The following GADL1 variants were observed in gnomAD, a reference collection of about 807,000 sequenced individuals.
GADL1 encodes acidic amino acid decarboxylase GADL1.
A neutral mutation model predicts 69.5 loss-of-function variants in GADL1; 71 were observed. That is an observed-to-expected ratio of 1.02 (90% confidence interval 0.84 to 1.25). The LOEUF (loss-of-function observed/expected upper bound fraction) is 1.25. GADL1 is among the 50% of genes most tolerant of loss of function. The pLI is 0.00. For missense variants in GADL1, 737 were observed against 631.8 expected (o/e 1.17, Z -1.79); for synonymous variants, 254 against 214.4 (o/e 1.18, Z -1.62).
At chr3:30,772,149 CAAACAATAAAACAAACCCGTCAAGTAG>C (rs1340066898) in intron 14 of GADL1, among the ~76,000 whole-genome samples, 1 of 140,598 alleles carries the variant, frequency 7.1e-6, no homozygotes. Flanking sequence ...GTTTTATCAC[CAAACAATAAAACAAACCCGTCAAGTAG>C]ATTTTAAGAT....
intron 2 of GADL1, among the ~76,000 whole-genome samples, chr3:30,859,423 T>C (rs1011060661): frequency 2.0e-5 from 3 of 151,848 alleles, no homozygotes; most frequent in East Asian, 1.9e-4. Context: ...ACTCAAAGCC[T>C]ACTAAAATAC....
chr3:30,784,261 C>G (rs1416717063), intron 13 of GADL1, among the ~76,000 whole-genome samples: 1 of 152,152 alleles, frequency 6.6e-6, no homozygotes, highest in Non-Finnish European at 1.5e-5. Context: ...TTACAGTTGG[C>G]TTGTTCAAAC....
intron 6 of GADL1, 57 bp downstream of exon 6, chr3:30,849,939 C>A (rs1698121122): frequency 1.0e-6 from 1 of 989,142 alleles, no homozygotes; most frequent in East Asian, 2.4e-5. Context: ...TCAAACAAAG[C>A]CCTCTTAAAT....
chr3:30,841,134 AAAC>A, intron 8 of GADL1, among the ~76,000 whole-genome samples: 1 of 152,212 alleles, frequency 6.6e-6, no homozygotes. Context: ...GCTTGAAACA[AAAC>A]AACTAGGCCT....
chr3:30,850,576 C>G (rs913255708), intron 5 of GADL1, among the ~76,000 whole-genome samples: 1 of 152,122 alleles, frequency 6.6e-6, no homozygotes, highest in African/African-American at 2.4e-5. Context: ...TTCCAAACTT[C>G]CAGCATCAAA....
At chr3:30,797,604 AG>A (rs1416023938) in intron 12 of GADL1, 8 of 152,020 alleles carry the variant, frequency 5.3e-5, no homozygotes, top group African/African-American at 1.9e-4. Flanking sequence ...TCTTGAATCC[AG>A]GTTGTCTGTA....
rs748060157 is a variant in GADL1 at position 30,728,286 on chromosome 3, C to T, written c.1522G>A (p.Asp508Asn). The change falls in exon 15 of 15, where the codon GAC (aspartate) becomes AAC (asparagine). Residue 508 changes from aspartate (D) to asparagine (N), a missense_variant. By Grantham distance (23) the Asp-to-Asn change is conservative. Coordinates refer to ENST00000282538, the MANE Select transcript of GADL1 (RefSeq NM_207359.3). ...AAGTCTATCTCATCCAGGAGGAAGT[C>T]CATGTCCTCCCGGCTCACTTGAGGG... Reference protein sequence around the residue: ...ISPQVSREDMDFLLDEIDLLG... With the variant: ...ISPQVSREDMNFLLDEIDLLG... 6.2e-7 allele frequency: 1 copy of T among 1,613,820 alleles called. No individual in the cohort carries two copies. Among genetic ancestry groups the T allele is most frequent in the African/African-American group, 1.3e-5 (1 of 75,032 alleles).
intron 14 of GADL1, among the ~76,000 whole-genome samples, chr3:30,767,652 T>C (rs1372858303): frequency 6.6e-6 from 1 of 152,108 alleles, no homozygotes; most frequent in Non-Finnish European, 1.5e-5. Flanking sequence ...TGGAATAGAA[T>C]ATCAGGTTTA....
chr3:30,764,142 CGCTTT>C (rs1696210516), intron 14 of GADL1, among the ~76,000 whole-genome samples: 2 of 142,420 alleles, frequency 1.4e-5, no homozygotes, highest in Non-Finnish European at 3.1e-5. Context: ...AATATATTAA[CGCTTT>C]ACTGAAGTGA....
chr3:30,834,991 G>A lies in GADL1; in HGVS notation c.904-710C>T, dbSNP rs188954236. The stretch of plus-strand genomic sequence containing the variant: ...GTGCAGACATAAATTTTAATTTGTA[G>A]GACATTAAAGGATAACTGTATTGAG... On this transcript the variant is annotated intron_variant, in intron 9 of 14. Coordinates refer to ENST00000282538, the MANE Select transcript of GADL1 (RefSeq NM_207359.3). Among the ~76,000 whole-genome samples, 745 of 152,172 alleles carry A rather than the reference G, an allele frequency of 4.9e-3. 8 individuals are homozygous for A. Among genetic ancestry groups the A allele is most frequent in the African/African-American group, 0.017 (712 of 41,558 alleles).
chr3:30,816,525 G>GTTTTTT (rs1559507818), intron 11 of GADL1, among the ~76,000 whole-genome samples: 1 of 40,756 alleles, frequency 2.5e-5, no homozygotes, highest in African/African-American at 6.4e-5. Context: ...TTCTTAATTT[G>GTTTTTT]TTTTCTTTTT....
chr3:30,769,369 G>A (rs1196053655), intron 14 of GADL1, among the ~76,000 whole-genome samples: 4 of 152,054 alleles, frequency 2.6e-5, no homozygotes, highest in Admixed American at 2.6e-4. Context: ...TCCAATGTCT[G>A]GAACGTATGC....
chr3:30,821,601 C>CT (rs1697581807), intron 11 of GADL1, among the ~76,000 whole-genome samples: 1 of 151,690 alleles, frequency 6.6e-6, no homozygotes, highest in African/African-American at 2.4e-5. Context: ...GGTTGGAAGG[C>CT]TAAAATCACA....
At chr3:30,846,349 C>A (rs1698056570) in intron 6 of GADL1, among the ~76,000 whole-genome samples, 1 of 152,158 alleles carries the variant, frequency 6.6e-6, no homozygotes, top group South Asian at 2.1e-4. Flanking sequence ...GTGTTCATTT[C>A]TATAAAGATA....
chr3:30,777,824 A>ACCTT (rs1696570734), intron 14 of GADL1, among the ~76,000 whole-genome samples: 1 of 152,192 alleles, frequency 6.6e-6, no homozygotes, highest in African/African-American at 2.4e-5. Context: ...CATTATTTCC[A>ACCTT]AGTAAGGTGG....
intron 12 of GADL1, chr3:30,797,532 C>G (rs770213643): frequency 2.6e-5 from 4 of 152,240 alleles, no homozygotes; most frequent in Middle Eastern, 3.4e-3. Flanking sequence ...TTATCACTTT[C>G]CTGGGACAAA....
At chr3:30,778,064 G>A in intron 14 of GADL1, 115 bp downstream of exon 14, 1 of 631,890 alleles carries the variant, frequency 1.6e-6, no homozygotes, top group South Asian at 2.1e-5. Flanking sequence ...CAAACTAGAA[G>A]ACACTTCTCT....
chr3:30,753,265 C>T (rs1695877081), intron 14 of GADL1, among the ~76,000 whole-genome samples: 1 of 152,134 alleles, frequency 6.6e-6, no homozygotes, highest in African/African-American at 2.4e-5. Context: ...GTTACATGAT[C>T]TATACACAAT....
At chr3:30,854,648 TAA>T (rs1199485924) in intron 4 of GADL1, 49 bp downstream of exon 4, 23 of 1,073,690 alleles carry the variant, frequency 2.1e-5, no homozygotes, top group Non-Finnish European at 2.4e-5. Flanking sequence ...TTCATCTACT[TAA>T]AGTCTCTAAT....
Sources: gnomAD v4.1 joint callset for allele counts (sites outside exome capture counted in the v4.1 genomes callset) on GRCh38, gnomAD v4.1.1 for gene constraint, MANE v1.5 for transcripts, NCBI Gene and HGNC (gene_info 2026-07-23, HGNC 2026-07-21) for gene names.